Variants in ZSCAN18 observed in about 807,000 individuals in gnomAD.
ZSCAN18 encodes the protein zinc finger and SCAN domain containing 18.
A neutral mutation model predicts 31.1 loss-of-function variants in ZSCAN18; 16 were observed. That is an observed-to-expected ratio of 0.51 (90% CI 0.35 to 0.78). The LOEUF (loss-of-function observed/expected upper bound fraction) is 0.78, where lower values mean the gene tolerates loss of function less well. Ranked by LOEUF, ZSCAN18 falls within the 30% of genes least tolerant of loss-of-function variation. The pLI, the probability that ZSCAN18 is intolerant of heterozygous loss-of-function variation, is 0.01. For missense variants in ZSCAN18, 731 were observed against 697.4 expected (o/e 1.05, Z -0.54); for synonymous variants, 375 against 320.7 (o/e 1.17, Z -1.81).
intron 1 of ZSCAN18, chr19:58,109,245 A>C: frequency 1.6e-6 from 2 of 1,231,698 alleles, no homozygotes; most frequent in Non-Finnish European, 2.0e-6. Context: ...ACCAAATTGG[A>C]TAGTTCCTTC....
At chr19:58,105,904 A>C (rs1186284057) in intron 1 of ZSCAN18, among the ~76,000 whole-genome samples, 1 of 151,690 alleles carries the variant, frequency 6.6e-6, no homozygotes, top group Non-Finnish European at 1.5e-5. Flanking sequence ...GCCTGAACCC[A>C]GGTGGCAGAG....
At chr19:58,097,131 A>C (rs961318811) in intron 1 of ZSCAN18, among the ~76,000 whole-genome samples, 1 of 152,170 alleles carries the variant, frequency 6.6e-6, no homozygotes, top group Non-Finnish European at 1.5e-5. Flanking sequence ...CATGGAACCA[A>C]GTGACTGTGC....
At position 58,089,019 on chromosome 19, in the gene ZSCAN18, G is replaced by A. The variant is rs1045306387; in HGVS notation, c.404-182C>T. Among the ~76,000 whole-genome samples, 7 of 152,224 alleles carry A rather than the reference G, an allele frequency of 4.6e-5. No individual in the cohort carries two copies. In the East Asian group the frequency reaches 1.3e-3, roughly 29 times the overall value. Reference sequence around the variant, plus strand: ...CCAGAATATTTACTGTTAAGAGGCTGGGGGCCGGGCGCGGTGGCTCACGCC... The same window carrying A: ...CCAGAATATTTACTGTTAAGAGGCTAGGGGCCGGGCGCGGTGGCTCACGCC... On this transcript the variant is annotated intron_variant, in intron 2 of 6. Coordinates refer to ENST00000601144, the MANE Select transcript of ZSCAN18 (RefSeq NM_001145543.2).
At chr19:58,088,557 G>T in intron 3 of ZSCAN18, 131 bp downstream of exon 3, 1 of 845,438 alleles carries the variant, frequency 1.2e-6, no homozygotes, top group Non-Finnish European at 1.8e-6. Context: ...ACAGGAGGAA[G>T]TCCCAATGAT....
chr19:58,091,425 C>A (rs1055917374), intron 1 of ZSCAN18, among the ~76,000 whole-genome samples: 1 of 151,310 alleles, frequency 6.6e-6, no homozygotes, highest in Non-Finnish European at 1.5e-5. Flanking sequence ...CTGGAGGCCA[C>A]TGAACAACCA....
At chr19:58,110,195 G>C (rs1279184816) in intron 1 of ZSCAN18, among the ~76,000 whole-genome samples, 1 of 152,062 alleles carries the variant, frequency 6.6e-6, no homozygotes, top group Non-Finnish European at 1.5e-5. Context: ...CTGTATTTCT[G>C]AAGTCCCTTC....
At chr19:58,112,317 G>C (rs1206888769) in intron 1 of ZSCAN18, among the ~76,000 whole-genome samples, 1 of 152,102 alleles carries the variant, frequency 6.6e-6, no homozygotes, top group Non-Finnish European at 1.5e-5. Flanking sequence ...TTACAGGTGT[G>C]AGCCATTGCG....
intron 1 of ZSCAN18, among the ~76,000 whole-genome samples, chr19:58,097,371 G>A (rs903332969): frequency 1.2e-4 from 18 of 151,876 alleles, no homozygotes; most frequent in Non-Finnish European, 1.0e-4. Context: ...AAGGAGTGAT[G>A]GGAGGGTGAG....
chr19:58,087,605 G>A, intron 3 of ZSCAN18: 2 of 555,134 alleles, frequency 3.6e-6, no homozygotes, highest in Non-Finnish European at 6.4e-6. Context: ...CCCCAGAGAT[G>A]CCCATTCAAG....
At chr19:58,089,646 T>C (rs2074369855) in intron 2 of ZSCAN18, among the ~76,000 whole-genome samples, 1 of 151,814 alleles carries the variant, frequency 6.6e-6, no homozygotes, top group South Asian at 2.1e-4. Flanking sequence ...AATAAATAAA[T>C]AAGTAAATAA....
At chr19:58,113,789 G>C (rs2074707692) in intron 1 of ZSCAN18, among the ~76,000 whole-genome samples, 1 of 152,110 alleles carries the variant, frequency 6.6e-6, no homozygotes, top group Non-Finnish European at 1.5e-5. Context: ...GACCAGCCTA[G>C]GGAACATGGT....
Position 58,084,432 on chromosome 19 carries a change from C to CGCT in ZSCAN18, c.*252_*253insAGC. 2.3e-6 allele frequency: 1 copy of CGCT among 434,876 alleles called. No homozygotes were observed. Among genetic ancestry groups the CGCT allele is most frequent in the Non-Finnish European group, 4.0e-6 (1 of 248,302 alleles). 26.9% of individuals were successfully genotyped at this position (434,876 alleles called of 1,614,324 possible). A position where few individuals can be genotyped will look rare whatever the true frequency, so the allele number is the denominator to read the frequency against. On this transcript the variant is annotated 3_prime_UTR_variant, in exon 7 of 7. Transcript: ENST00000601144. This position sits in a 1 kb window ranked among gnomAD's most constrained non-coding sequence, Gnocchi z 4.5. Reference sequence around the variant, plus strand: ...CGGCACTAAATGGCTGCAGGAAAGCCGAGTCTTCTTCCACATCCGGCGGCT... The same window carrying CGCT: ...CGGCACTAAATGGCTGCAGGAAAGCCGCTGAGTCTTCTTCCACATCCGGCGGCT...
At chr19:58,087,242 G>C in intron 4 of ZSCAN18, 74 bp downstream of exon 4, 1 of 1,444,546 alleles carries the variant, frequency 6.9e-7, no homozygotes, top group Non-Finnish European at 9.5e-7. Context: ...CCTCTGCTGA[G>C]CACTGGTGAT....
chr19:58,092,693 A>C (rs1308908340), intron 1 of ZSCAN18: 1 of 984,470 alleles, frequency 1.0e-6, no homozygotes. Flanking sequence ...GTTGGAAGAC[A>C]TTCTACACAA....
At position 58,089,957 on chromosome 19, in the gene ZSCAN18, T is replaced by A; in HGVS notation, c.311A>T (p.Lys104Met). The A allele has an allele frequency of 6.2e-7, 1 of 1,614,140 alleles. No individual in the cohort carries two copies. The highest frequency in any genetic ancestry group is 8.5e-7 in the Non-Finnish European group (1 of 1,180,030). Residue 104 changes from lysine to methionine, a missense_variant, in exon 2 of 7, where the codon AAG becomes ATG. Transcript: ENST00000601144. ...CTGTGCCACCACCCAGGGCCGGACC[T>A]TATCAGGCAGGATGCCCAGGAACTG... ...LEQFLGILPDKVRPWVVAQYP... is the reference protein window; with the variant it reads ...LEQFLGILPDMVRPWVVAQYP...
chr19:58,106,812 G>A lies in ZSCAN18; in HGVS notation c.130+11455C>T, dbSNP rs183292172. On this transcript the variant is annotated intron_variant, in intron 1 of 1. Transcript: ENST00000595721. ...GCCTCCTTCTGTTTCCCAGGCTGCAGTGCAGTGGCTCGATCTCTGCTCACT... is the reference window on the plus strand; with the variant it reads ...GCCTCCTTCTGTTTCCCAGGCTGCAATGCAGTGGCTCGATCTCTGCTCACT... 2.0e-5 allele frequency among the ~76,000 whole-genome samples: 3 copies of A among 151,690 alleles called. No homozygotes were observed. In the East Asian group the frequency reaches 5.9e-4, roughly 30 times the overall value.
rs766831151 is a variant in ZSCAN18, at chr19:58,085,280, G to A, written c.938C>T (p.Ala313Val). 4 of 1,601,240 alleles carry A rather than the reference G, an allele frequency of 2.5e-6. No individual in the cohort carries two copies. The African/African-American group carries it at 4.0e-5, about 16-fold the overall frequency. Residue 313 changes from alanine (A) to valine (V), a missense_variant, in exon 7 of 7, where the codon GCC (alanine) becomes GTC (valine). This residue lies in a region of ZSCAN18 where 597 missense variants were observed against 499.5 expected (regional missense o/e 1.20). Coordinates refer to ENST00000601144, the MANE Select transcript of ZSCAN18 (RefSeq NM_001145543.2). ...GGTGCCCGACGGGGGATCGGCAAGG[G>A]CGTCCCCAGGGGGCGCCTCCGTAGG... is the stretch of plus-strand genomic sequence containing the variant. ...ELPTEAPPGD[A>V]LADPPSGTTE...
chr19:58,116,099 C>T (rs1306289798), intron 1 of ZSCAN18, among the ~76,000 whole-genome samples: 1 of 151,050 alleles, frequency 6.6e-6, no homozygotes, highest in East Asian at 1.9e-4. Context: ...TCTTGTAGCA[C>T]ATAAAGCATG....
chr19:58,098,169 C>T lies in ZSCAN18; in HGVS notation c.-120+5G>A. On this transcript the variant is annotated splice_donor_5th_base_variant and intron_variant, in intron 1 of 6. Transcript: ENST00000601144. ...CCCCGCGCTGCATCCCCGGGACCGACCCACCTGCTGCGCAGCTACCCCAGG... is the reference window on the plus strand; with the variant it reads ...CCCCGCGCTGCATCCCCGGGACCGATCCACCTGCTGCGCAGCTACCCCAGG... 2.0e-6 allele frequency: 2 copies of T among 985,464 alleles called. No individual in the cohort carries two copies. Among genetic ancestry groups the T allele is most frequent in the East Asian group, 1.1e-4 (1 of 8,786 alleles). The allele number at this position is 985,464 out of a possible 1,614,324, so 61.0% of individuals were successfully genotyped here.
Sources: allele counts gnomAD v4.1 joint callset (sites outside exome capture counted in the v4.1 genomes callset), GRCh38; gene constraint gnomAD v4.1.1; regional missense constraint gnomAD v4.1.1; non-coding constraint Gnocchi (gnomAD v3.1); transcripts MANE v1.5; gene names NCBI Gene and HGNC (gene_info 2026-07-23, HGNC 2026-07-21).